Variants in HEMK2 observed in about 807,000 individuals in gnomAD.
The protein encoded by HEMK2 is HemK methyltransferase 2, ETF1 glutamine and histone H4 lysine.
At chr21:28,767,415 C>A in the HEMK2 span, among the ~76,000 whole-genome samples, 1 of 148,528 alleles carries the variant, frequency 6.7e-6, no homozygotes, top group South Asian at 2.1e-4. Flanking sequence ...ACAAAAAGGG[C>A]ATGAGATTTA....
chr21:28,701,593 C>G, the HEMK2 span, among the ~76,000 whole-genome samples: 2 of 147,928 alleles, frequency 1.4e-5, no homozygotes, highest in Non-Finnish European at 3.0e-5. Context: ...CACACACACA[C>G]ACAGACAAAA....
chr21:28,700,638 A>G, the HEMK2 span, among the ~76,000 whole-genome samples: 1 of 152,186 alleles, frequency 6.6e-6, no homozygotes, highest in Non-Finnish European at 1.5e-5. Context: ...GAGTTCAGAA[A>G]TTGAATCCGT....
At chr21:28,857,234 G>T in the HEMK2 span, among the ~76,000 whole-genome samples, 2 of 151,048 alleles carry the variant, frequency 1.3e-5, no homozygotes, top group Admixed American at 6.6e-5. Context: ...TATTGAATTT[G>T]TTATTTAATT....
chr21:28,715,990 A>G, the HEMK2 span, among the ~76,000 whole-genome samples: 4 of 152,264 alleles, frequency 2.6e-5, no homozygotes, highest in South Asian at 8.3e-4. Context: ...ATTCTGTTCT[A>G]TTGATCTATG....
chr21:28,864,821 A>C, the HEMK2 span, among the ~76,000 whole-genome samples: 1,786 of 75,988 alleles, frequency 0.024, 35 homozygotes, highest in East Asian at 0.14. Flanking sequence ...ACAGACAGAC[A>C]GATAGATAGA....
At chr21:28,766,374 G>A in the HEMK2 span, among the ~76,000 whole-genome samples, 19 of 151,978 alleles carry the variant, frequency 1.3e-4, no homozygotes, top group South Asian at 4.2e-4. Context: ...GCATGGATAC[G>A]GTGAAAAGGG....
chr21:28,617,870 C>T, the HEMK2 span, among the ~76,000 whole-genome samples: 1 of 151,746 alleles, frequency 6.6e-6, no homozygotes, highest in Non-Finnish European at 1.5e-5. Context: ...CTTACTGCAG[C>T]CTCGACTTCC....
the HEMK2 span, among the ~76,000 whole-genome samples, chr21:28,678,602 C>T: frequency 6.6e-6 from 1 of 152,126 alleles, no homozygotes; most frequent in Admixed American, 6.5e-5. Flanking sequence ...TCAGATTCAC[C>T]AAAGTTGAAA....
chr21:28,579,084 T>C, the HEMK2 span, among the ~76,000 whole-genome samples: 26 of 152,310 alleles, frequency 1.7e-4, no homozygotes, highest in African/African-American at 6.0e-4. Context: ...ATTAGGCTAT[T>C]TGTGAACTCG....
At chr21:28,858,459 A>C in the HEMK2 span, among the ~76,000 whole-genome samples, 1 of 152,098 alleles carries the variant, frequency 6.6e-6, no homozygotes, top group African/African-American at 2.4e-5. Context: ...GAAATGTCTT[A>C]TCCTTCCCGT....
chr21:28,655,987 G>A, the HEMK2 span, among the ~76,000 whole-genome samples: 1 of 151,976 alleles, frequency 6.6e-6, no homozygotes, highest in Non-Finnish European at 1.5e-5. Context: ...TGTAAAATTT[G>A]TGCACGATTA....
the HEMK2 span, among the ~76,000 whole-genome samples, chr21:28,839,607 C>A: frequency 6.6e-6 from 1 of 152,014 alleles, no homozygotes; most frequent in South Asian, 2.1e-4. Flanking sequence ...ATCAAGAACA[C>A]AACCCCTTTT....
the HEMK2 span, among the ~76,000 whole-genome samples, chr21:28,579,032 C>T: frequency 6.6e-6 from 1 of 152,124 alleles, no homozygotes; most frequent in Non-Finnish European, 1.5e-5. Context: ...CAGAGGTTAT[C>T]AGATTCTATT....
the HEMK2 span, among the ~76,000 whole-genome samples, chr21:28,622,411 A>G: frequency 6.6e-6 from 1 of 152,192 alleles, no homozygotes; most frequent in African/African-American, 2.4e-5. Flanking sequence ...TACCCAAAGT[A>G]ATTTATACAT....
chr21:28,638,620 T>A, the HEMK2 span, among the ~76,000 whole-genome samples: 1 of 152,160 alleles, frequency 6.6e-6, no homozygotes, highest in Non-Finnish European at 1.5e-5. Context: ...GAATGAATAG[T>A]TAGCTCATGA....
chr21:28,632,252 T>C, the HEMK2 span, among the ~76,000 whole-genome samples: 1 of 152,250 alleles, frequency 6.6e-6, no homozygotes, highest in African/African-American at 2.4e-5. Flanking sequence ...TAAATGTGCA[T>C]ACAAATTCCC....
the HEMK2 span, among the ~76,000 whole-genome samples, chr21:28,818,441 C>CAT: frequency 7.9e-5 from 12 of 152,160 alleles, no homozygotes; most frequent in East Asian, 3.9e-4. Context: ...TTAATAAACT[C>CAT]ATATATATAT....
At chr21:28,770,859 T>C in the HEMK2 span, among the ~76,000 whole-genome samples, 1 of 152,122 alleles carries the variant, frequency 6.6e-6, no homozygotes, top group African/African-American at 2.4e-5. Context: ...ACCTACACAC[T>C]GAGCACCTAG....
At chr21:28,842,000 T>C in the HEMK2 span, among the ~76,000 whole-genome samples, 208 of 152,272 alleles carry the variant, frequency 1.4e-3, 1 homozygote, top group African/African-American at 4.3e-3. Context: ...CTATTCCCTT[T>C]GCTGATTTTG....
Sources: gnomAD v4.1 joint callset for allele counts (sites outside exome capture counted in the v4.1 genomes callset) on GRCh38, gnomAD v4.1.1 for gene constraint, MANE v1.5 for transcripts, NCBI Gene and HGNC (gene_info 2026-07-23, HGNC 2026-07-21) for gene names.